The following APOLD1 variants were observed in gnomAD, a reference collection of about 807,000 sequenced individuals.
The protein encoded by APOLD1 is apolipoprotein L domain-containing protein 1.
A neutral mutation model predicts 15.3 loss-of-function variants in APOLD1; 22 were observed. The observed-to-expected ratio is 1.44, with a 90% confidence interval of 1.03 to 2.05. The LOEUF (loss-of-function observed/expected upper bound fraction) is 2.05, where lower values mean the gene tolerates loss of function less well. Among genes scored for constraint, APOLD1 ranks in the 30% most tolerant of loss-of-function variants. The pLI is 0.00. For missense variants in APOLD1, 394 were observed against 353.5 expected (o/e 1.11, Z -0.92); for synonymous variants, 190 against 167.4 (o/e 1.13, Z -1.04).
intron 1 of APOLD1, among the ~76,000 whole-genome samples, chr12:12,774,402 TG>T (rs1014851527): frequency 2.0e-5 from 3 of 150,072 alleles, no homozygotes; most frequent in Non-Finnish European, 4.4e-5. Flanking sequence ...AAAAATTATC[TG>T]GGTATGGTGG....
intron 1 of APOLD1, among the ~76,000 whole-genome samples, chr12:12,754,999 A>G (rs914405689): frequency 6.6e-6 from 1 of 151,908 alleles, no homozygotes; most frequent in Non-Finnish European, 1.5e-5. Flanking sequence ...GTGAGCCATG[A>G]TCAGCCACTG....
At chr12:12,754,667 G>A (rs927307036) in intron 1 of APOLD1, among the ~76,000 whole-genome samples, 2 of 151,948 alleles carry the variant, frequency 1.3e-5, no homozygotes, top group Non-Finnish European at 2.9e-5. Context: ...CTGACCTCCA[G>A]TGATCTGCCC....
chr12:12,752,940 C>T (rs1946823454), intron 1 of APOLD1, among the ~76,000 whole-genome samples: 1 of 152,068 alleles, frequency 6.6e-6, no homozygotes, highest in Non-Finnish European at 1.5e-5. Context: ...TATCTCCACT[C>T]AAGAAAAATG....
chr12:12,783,693 G>A (rs1947103366), upstream of APOLD1, among the ~76,000 whole-genome samples: 1 of 149,510 alleles, frequency 6.7e-6, no homozygotes, highest in African/African-American at 2.5e-5. Context: ...TGTTGCAGTG[G>A]TACCATTATA....
chr12:12,736,787 C>T (rs139327029), intron 1 of APOLD1, among the ~76,000 whole-genome samples: 100 of 152,140 alleles, frequency 6.6e-4, no homozygotes, highest in African/African-American at 2.3e-3. Context: ...GTGCTTGGGC[C>T]GTTAGAGGGG....
upstream of APOLD1, among the ~76,000 whole-genome samples, chr12:12,783,836 G>A (rs1947104835): frequency 1.3e-5 from 2 of 151,710 alleles, no homozygotes; most frequent in South Asian, 4.2e-4. Flanking sequence ...GTCTCATTAT[G>A]TCAACCAGGC....
chr12:12,727,600 ATTC>A (rs1171480632), intron 1 of APOLD1, among the ~76,000 whole-genome samples: 4 of 151,156 alleles, frequency 2.6e-5, no homozygotes, highest in Admixed American at 1.3e-4. Flanking sequence ...TTATTTATTT[ATTC>A]TTCTTCTTAT....
At chr12:12,763,317 TC>T (rs1328624557) in intron 1 of APOLD1, among the ~76,000 whole-genome samples, 4 of 151,878 alleles carry the variant, frequency 2.6e-5, no homozygotes, top group Non-Finnish European at 5.9e-5. Flanking sequence ...AGTACAATTA[TC>T]CCCCCATATC....
At chr12:12,734,644 A>C (rs1000464710) in intron 1 of APOLD1, among the ~76,000 whole-genome samples, 3 of 152,238 alleles carry the variant, frequency 2.0e-5, no homozygotes, top group Non-Finnish European at 4.4e-5. Context: ...GGGAAGCTAG[A>C]GTCCTGATTT....
Position 12,730,067 on chromosome 12 carries a change from TGTGTGTGTGTGAGA to T in APOLD1, c.96+3973_96+3986del, listed in dbSNP as rs748815713. On this transcript the variant is annotated intron_variant, in intron 1 of 1. Transcript: ENST00000326765. ...GTGTGTGTGTGTGTGTGTGTGTGTG[TGTGTGTGTGTGAGA>T]GAGAGAGAGAGAGAGACAGACAGGT... 3.5e-3 allele frequency among the ~76,000 whole-genome samples: 231 copies of T among 65,912 alleles called. 2 individuals are homozygous for T. Among genetic ancestry groups the T allele is most frequent in the African/African-American group, 0.011 (102 of 9,682 alleles). 43.2% of individuals were successfully genotyped at this position (65,912 alleles called of 152,430 possible).
At chr12:12,752,140 G>C (rs984208270) in intron 1 of APOLD1, among the ~76,000 whole-genome samples, 3 of 152,218 alleles carry the variant, frequency 2.0e-5, no homozygotes, top group African/African-American at 7.2e-5. Flanking sequence ...ACAGTGGAAA[G>C]AAGAGACCTT....
chr12:12,788,039 T>A lies in APOLD1; in HGVS notation c.*387T>A. 1 of 185,408 alleles carries A rather than the reference T, an allele frequency of 5.4e-6. No individual in the cohort carries two copies. Among genetic ancestry groups the A allele is most frequent in the Non-Finnish European group, 1.1e-5 (1 of 89,474 alleles). The allele number at this position is 185,408 out of a possible 1,614,324, so 11.5% of individuals were successfully genotyped here. On this transcript the variant is annotated 3_prime_UTR_variant, in exon 2 of 2. Transcript: ENST00000356591. ...CATCCTCTGGGTCCTCTCCAAGTCC[T>A]ACTAGTCTTTGAAGTCCTCAAAATG... is the stretch of plus-strand genomic sequence containing the variant.
chr12:12,779,218 T>C (rs1947061142), intron 1 of APOLD1, among the ~76,000 whole-genome samples: 1 of 152,166 alleles, frequency 6.6e-6, no homozygotes. Flanking sequence ...GGGCATGTAT[T>C]TGCCCTGTGC....
At chr12:12,739,692 A>G (rs1946717287) in intron 1 of APOLD1, among the ~76,000 whole-genome samples, 1 of 152,208 alleles carries the variant, frequency 6.6e-6, no homozygotes, top group Middle Eastern at 3.4e-3. Flanking sequence ...AGGTAATTTT[A>G]TACCTTTAAT....
intron 1 of APOLD1, among the ~76,000 whole-genome samples, chr12:12,731,633 C>T (rs1411079880): frequency 1.3e-5 from 2 of 152,086 alleles, no homozygotes; most frequent in African/African-American, 4.8e-5. Context: ...ACACAGTTAT[C>T]GGAAAAGAAA....
At chr12:12,780,934 G>C (rs1314945561), upstream of APOLD1, among the ~76,000 whole-genome samples, 16 of 151,312 alleles carry the variant, frequency 1.1e-4, no homozygotes, top group Admixed American at 1.1e-3. Flanking sequence ...TTTAGTCACT[G>C]AGATATACAG....
intron 1 of APOLD1, among the ~76,000 whole-genome samples, chr12:12,772,348 GAC>G (rs1946995091): frequency 6.6e-6 from 1 of 152,218 alleles, no homozygotes; most frequent in Admixed American, 6.5e-5. Flanking sequence ...GCTTATGTCA[GAC>G]AGAACAGACT....
intron 1 of APOLD1, among the ~76,000 whole-genome samples, chr12:12,766,561 G>A (rs1189044992): frequency 2.0e-5 from 3 of 152,120 alleles, no homozygotes; most frequent in South Asian, 2.1e-4. Flanking sequence ...AAATCAGCTG[G>A]GGCCAGACAG....
chr12:12,746,148 A>C (rs1208293576), intron 1 of APOLD1, among the ~76,000 whole-genome samples: 1 of 152,128 alleles, frequency 6.6e-6, no homozygotes, highest in Non-Finnish European at 1.5e-5. Context: ...GGGTGGTGGG[A>C]ATCCAAGAAG....
Sources: gnomAD v4.1 joint callset for allele counts (sites outside exome capture counted in the v4.1 genomes callset) on GRCh38, gnomAD v4.1.1 for gene constraint, MANE v1.5 for transcripts, NCBI Gene and HGNC (gene_info 2026-07-23, HGNC 2026-07-21) for gene names.